The following OVCH1 variants were observed in gnomAD, a reference collection of about 807,000 sequenced individuals.
OVCH1 encodes the protein ovochymase 1.
In OVCH1, 139 loss-of-function variants were observed where a neutral mutation model predicts 138.4. The ratio of observed to expected loss-of-function variants is 1.00; its 90% CI spans 0.87 to 1.16. The LOEUF (loss-of-function observed/expected upper bound fraction) is 1.16. OVCH1 is among the 50% of genes most tolerant of loss of function. The probability of loss-of-function intolerance (pLI) is 0.00; values close to 1 mark genes in which losing one functional copy is unlikely to be tolerated. For synonymous variants in OVCH1, 453 were observed against 467.8 expected (o/e 0.97, Z 0.41); for missense variants, 1,367 against 1,357.9 (o/e 1.01, Z -0.11).
At chr12:29,469,456 A>G (rs959701698) in intron 16 of OVCH1, among the ~76,000 whole-genome samples, 1 of 152,152 alleles carries the variant, frequency 6.6e-6, no homozygotes, top group African/African-American at 2.4e-5. Context: ...AGACTTGACA[A>G]CTAAACATAA....
chr12:29,454,583 A>T (rs1294585758), intron 21 of OVCH1, among the ~76,000 whole-genome samples: 1 of 152,192 alleles, frequency 6.6e-6, no homozygotes, highest in Admixed American at 6.6e-5. Context: ...AAATAATTCT[A>T]TGTAATTCTC....
At chr12:29,435,538 T>G (rs1050976348) in intron 26 of OVCH1, among the ~76,000 whole-genome samples, 1 of 152,010 alleles carries the variant, frequency 6.6e-6, no homozygotes, top group Non-Finnish European at 1.5e-5. Flanking sequence ...GTATTTTTAG[T>G]AGAGACAGGG....
the OVCH1 span, among the ~76,000 whole-genome samples, chr12:29,402,510 A>G: frequency 3.3e-5 from 5 of 152,060 alleles, no homozygotes; most frequent in Non-Finnish European, 5.9e-5. Flanking sequence ...AGAAAGACAG[A>G]AAAGGTTGGT....
At chr12:29,458,081 T>C (rs1942013632) in intron 19 of OVCH1, among the ~76,000 whole-genome samples, 1 of 152,096 alleles carries the variant, frequency 6.6e-6, no homozygotes, top group Admixed American at 6.6e-5. Flanking sequence ...TATGACTTTG[T>C]AGATGAAAAG....
At chr12:29,484,387 T>TA (rs1214302866) in intron 8 of OVCH1, among the ~76,000 whole-genome samples, 1 of 152,222 alleles carries the variant, frequency 6.6e-6, no homozygotes, top group African/African-American at 2.4e-5. Context: ...AACTTTAGTT[T>TA]AATAACTATT....
At position 29,478,673 on chromosome 12, in the gene OVCH1, T is replaced by C. The variant is rs186616011; in HGVS notation, c.1069+162A>G. 1.0e-3 allele frequency among the ~76,000 whole-genome samples: 152 copies of C among 152,298 alleles called. 1 individual carries two copies. Among genetic ancestry groups the C allele is most frequent in the Admixed American group, 8.4e-3 (129 of 15,300 alleles). ...GAAATTTTATTTTTTTATTTTTGTT[T>C]TTTTGAGTAAAGTGAAAGCAAGTTT... On this transcript the variant is annotated intron_variant, in intron 9 of 27. Transcript: ENST00000318184.
chr12:29,423,071 T>A (rs747889710), downstream of OVCH1: 25 of 351,152 alleles, frequency 7.1e-5, no homozygotes, highest in Non-Finnish European at 1.3e-4. Flanking sequence ...CTGCAGGTTC[T>A]ACTTCAAAGC....
downstream of OVCH1, among the ~76,000 whole-genome samples, chr12:29,407,746 C>A (rs1392252082): frequency 6.6e-6 from 1 of 151,840 alleles, no homozygotes; most frequent in Non-Finnish European, 1.5e-5. Context: ...AGTGTGATGC[C>A]TCCAGCTTTG....
intron 15 of OVCH1, 94 bp from the exon 16 acceptor site, chr12:29,472,076 A>C: frequency 2.3e-5 from 28 of 1,236,866 alleles, no homozygotes; most frequent in Non-Finnish European, 3.0e-5. Context: ...AGTGATTCTC[A>C]AACATCAGAT....
chr12:29,427,430 G>A, downstream of OVCH1: 1 of 1,184,170 alleles, frequency 8.4e-7, no homozygotes, highest in Non-Finnish European at 1.2e-6. Flanking sequence ...AAAAGGTTAA[G>A]GAAGGCTATT....
At chr12:29,416,272 A>G (rs967794394) in intron 3 of OVCH1, among the ~76,000 whole-genome samples, 1 of 152,120 alleles carries the variant, frequency 6.6e-6, no homozygotes, top group Non-Finnish European at 1.5e-5. Context: ...CTTAGACTTG[A>G]CACCAAAAGG....
At chr12:29,493,260 T>TA (rs749303083) in intron 4 of OVCH1, among the ~76,000 whole-genome samples, 1 of 152,230 alleles carries the variant, frequency 6.6e-6, no homozygotes, top group Non-Finnish European at 1.5e-5. Flanking sequence ...GACATTCACT[T>TA]ACTGCTGTTG....
rs758479764 is a variant in OVCH1, at chr12:29,455,229, A to G, written c.2437+20T>C. The G allele has an allele frequency of 1.2e-6, 2 of 1,609,204 alleles. No homozygotes were observed. The highest frequency in any genetic ancestry group is 3.4e-5 in the Admixed American group (2 of 59,038). ...TAAAGAAAGAGGTTATTGTTTTAAT[A>G]ACATTTGAAAACAATTTACCATTGA... is the stretch of plus-strand genomic sequence containing the variant. On this transcript the variant is annotated intron_variant, in intron 20 of 27. Transcript: ENST00000318184.
chr12:29,408,779 T>G (rs1388200689), downstream of OVCH1, among the ~76,000 whole-genome samples: 8 of 149,642 alleles, frequency 5.3e-5, no homozygotes, highest in Non-Finnish European at 1.2e-4. Flanking sequence ...CTTTTTTTGT[T>G]GTGTCTCTGC....
chr12:29,490,952 T>C, intron 5 of OVCH1, 145 bp downstream of exon 5: 1 of 672,442 alleles, frequency 1.5e-6, no homozygotes, highest in South Asian at 2.0e-5. Flanking sequence ...CTTTCAATGC[T>C]GAGGACTACC....
At chr12:29,451,403 C>T (rs778506641) in exon 22 of OVCH1, 1 of 1,613,292 alleles carries the variant, frequency 6.2e-7, no homozygotes, top group African/African-American at 1.3e-5. Context: ...AGTCTTGACA[C>T]ACAGGAGACC....
At chr12:29,495,515 G>T in intron 3 of OVCH1, 58 bp from the exon 4 acceptor site, 4 of 1,459,310 alleles carry the variant, frequency 2.7e-6, no homozygotes, top group Non-Finnish European at 2.8e-6. Flanking sequence ...AGTCTTCTTG[G>T]TTTGATGTAA....
intron 5 of OVCH1, among the ~76,000 whole-genome samples, chr12:29,490,869 C>CA (rs1383027234): frequency 6.6e-6 from 1 of 152,198 alleles, no homozygotes; most frequent in Non-Finnish European, 1.5e-5. Flanking sequence ...CAGCTCTATC[C>CA]AGCTTCCTTT....
In OVCH1 at chr12:29,486,308, C is replaced by G. The variant is rs755776403; in HGVS notation, c.933G>C (p.Arg311Ser). The change falls in exon 8 of 28, where the codon AGG becomes AGC. Residue 311 changes from arginine (R) to serine (S), a missense_variant. Arg to Ser is a moderately radical substitution (Grantham distance 110). Transcript: ENST00000318184. ...CAGAACTCAGGGCCTTTGTTATATACCTTGAGCCCACTTTTGAGAGGGGTT... is the reference window on the plus strand; with the variant it reads ...CAGAACTCAGGGCCTTTGTTATATAGCTTGAGCCCACTTTTGAGAGGGGTT... 5 of 1,613,796 alleles carry G rather than the reference C, an allele frequency of 3.1e-6. No individual in the cohort carries two copies. In the South Asian group the frequency reaches 4.4e-5, roughly 14 times the overall value.
Sources: allele counts gnomAD v4.1 joint callset (sites outside exome capture counted in the v4.1 genomes callset), GRCh38; gene constraint gnomAD v4.1.1; transcripts MANE v1.5; gene names NCBI Gene and HGNC (gene_info 2026-07-23, HGNC 2026-07-21).